ARHGAP25: variants seen among roughly 807,000 people sequenced by gnomAD.
ARHGAP25 encodes the protein rho GTPase-activating protein 25.
Under a neutral mutation model 71.0 loss-of-function variants are expected in ARHGAP25, and 34 were observed. The ratio of observed to expected loss-of-function variants is 0.48; its 90% CI spans 0.36 to 0.64. The LOEUF is 0.64. Ranked by LOEUF, ARHGAP25 falls within the 30% of genes least tolerant of loss-of-function variation. ARHGAP25 has a pLI of 0.00. For synonymous variants in ARHGAP25, 282 were observed against 296.5 expected (o/e 0.95, Z 0.50); for missense variants, 706 against 805.1 (o/e 0.88, Z 1.49).
intron 2 of ARHGAP25, among the ~76,000 whole-genome samples, chr2:68,728,773 T>TAAAA (rs1331750238): frequency 2.0e-5 from 3 of 151,898 alleles, no homozygotes; most frequent in Admixed American, 6.6e-5. Flanking sequence ...AATAAATAAA[T>TAAAA]AAAATTTAAA....
chr2:68,793,805 T>C (rs1214157143), intron 4 of ARHGAP25, among the ~76,000 whole-genome samples: 3 of 152,112 alleles, frequency 2.0e-5, no homozygotes. Flanking sequence ...TCTAGTTCTG[T>C]GAAGAAATGA....
intron 1 of ARHGAP25, among the ~76,000 whole-genome samples, chr2:68,743,183 G>A (rs1468748635): frequency 6.6e-6 from 1 of 152,182 alleles, no homozygotes; most frequent in East Asian, 1.9e-4. Context: ...CTGTGTGGAA[G>A]ACCCTCCTCC....
upstream of ARHGAP25, among the ~76,000 whole-genome samples, chr2:68,730,415 A>T (rs1674987459): frequency 6.6e-6 from 1 of 152,158 alleles, no homozygotes; most frequent in Admixed American, 6.5e-5. Context: ...AGGCCAAGGC[A>T]GAAGGATCAC....
chr2:68,777,314 G>A (rs1206211380), intron 2 of ARHGAP25, among the ~76,000 whole-genome samples: 6 of 152,086 alleles, frequency 3.9e-5, no homozygotes, highest in Admixed American at 3.9e-4. Flanking sequence ...TCTTTTCCTG[G>A]TTCCACCACT....
At chr2:68,823,602 G>T (rs1681869071) in intron 10 of ARHGAP25, among the ~76,000 whole-genome samples, 1 of 152,204 alleles carries the variant, frequency 6.6e-6, no homozygotes, top group Non-Finnish European at 1.5e-5. Context: ...GCTGCCTGGG[G>T]CCAGGGAGAG....
At chr2:68,763,648 T>C (rs1296082727) in intron 1 of ARHGAP25, among the ~76,000 whole-genome samples, 4 of 152,234 alleles carry the variant, frequency 2.6e-5, no homozygotes, top group Non-Finnish European at 5.9e-5. Context: ...TTTTTAAATA[T>C]TGAAGTATTC....
chr2:68,742,390 A>C (rs1224802867), intron 1 of ARHGAP25, among the ~76,000 whole-genome samples: 2 of 152,264 alleles, frequency 1.3e-5, no homozygotes, highest in Non-Finnish European at 2.9e-5. Flanking sequence ...GCCAGCTATC[A>C]TACAGTGGTT....
At chr2:68,810,860 G>C (rs921595002) in intron 5 of ARHGAP25, among the ~76,000 whole-genome samples, 1 of 151,424 alleles carries the variant, frequency 6.6e-6, no homozygotes, top group African/African-American at 2.4e-5. Context: ...TCCTGCCTCA[G>C]CCTCCTGAGT....
chr2:68,754,441 T>G (rs1218238102), intron 1 of ARHGAP25, among the ~76,000 whole-genome samples: 2 of 152,258 alleles, frequency 1.3e-5, no homozygotes, highest in South Asian at 4.1e-4. Context: ...TTGTCCTTTT[T>G]ATTGTTGAGT....
At chr2:68,728,264 C>T (rs1325330001) in intron 2 of ARHGAP25, among the ~76,000 whole-genome samples, 1 of 152,052 alleles carries the variant, frequency 6.6e-6, no homozygotes, top group African/African-American at 2.4e-5. Context: ...ATCAAAACCC[C>T]AATGAGATAA....
chr2:68,754,239 C>A (rs558679473), intron 1 of ARHGAP25, among the ~76,000 whole-genome samples: 105 of 152,308 alleles, frequency 6.9e-4, no homozygotes, highest in African/African-American at 2.5e-3. Flanking sequence ...CTCCTCTCAT[C>A]TATTTCTAGT....
chr2:68,802,708 AG>A (rs1412832134), intron 4 of ARHGAP25, among the ~76,000 whole-genome samples: 2 of 2,516 alleles, frequency 7.9e-4, no homozygotes, highest in Non-Finnish European at 2.1e-3. Flanking sequence ...TAGAGGAGAA[AG>A]AGAGAGAGAG....
intron 4 of ARHGAP25, among the ~76,000 whole-genome samples, chr2:68,799,219 G>C (rs1203415107): frequency 1.3e-5 from 2 of 152,150 alleles, no homozygotes; most frequent in Non-Finnish European, 2.9e-5. Flanking sequence ...GTGATTCCTG[G>C]CCTATTAATG....
chr2:68,738,113 G>A (rs1675313180), intron 1 of ARHGAP25, among the ~76,000 whole-genome samples: 1 of 152,192 alleles, frequency 6.6e-6, no homozygotes, highest in African/African-American at 2.4e-5. Flanking sequence ...CTTGACTTGA[G>A]GTGGAGCCAA....
intron 4 of ARHGAP25, among the ~76,000 whole-genome samples, chr2:68,800,767 G>A (rs537546366): frequency 9.9e-5 from 15 of 152,176 alleles, no homozygotes; most frequent in African/African-American, 3.4e-4. Flanking sequence ...GTTCTCATGA[G>A]GACTAAATGA....
At chr2:68,714,915 T>C (rs1674574206) in intron 2 of ARHGAP25, among the ~76,000 whole-genome samples, 1 of 152,190 alleles carries the variant, frequency 6.6e-6, no homozygotes, top group African/African-American at 2.4e-5. Flanking sequence ...GATGGGCATA[T>C]GACAATAATA....
In ARHGAP25 at chr2:68,816,164, A is replaced by T. The variant is rs202117771; in HGVS notation, c.808-125A>T. On this transcript the variant is annotated intron_variant, in intron 6 of 10. Transcript: ENST00000409202. ...TTTTTAAACCCACAGAACTACAGGA[A>T]CAGGAATGACTGCCAAAGTGTTGTT... 4.9e-6 allele frequency: 4 copies of T among 810,674 alleles called. No homozygotes were observed. In the East Asian group the frequency reaches 7.5e-5, roughly 15 times the overall value. 50.2% of individuals were successfully genotyped at this position (810,674 alleles called of 1,614,324 possible).
chr2:68,817,369 A>C (rs1035578992), intron 7 of ARHGAP25, among the ~76,000 whole-genome samples: 13 of 152,228 alleles, frequency 8.5e-5, no homozygotes, highest in Non-Finnish European at 1.8e-4. Flanking sequence ...ACAAAAATTC[A>C]GTATTAGTTA....
chr2:68,752,273 G>T (rs567432743), intron 1 of ARHGAP25, among the ~76,000 whole-genome samples: 1 of 151,592 alleles, frequency 6.6e-6, no homozygotes, highest in African/African-American at 2.4e-5. Context: ...ATAAGTCATG[G>T]TTCCATTTGT....
Sources: gnomAD v4.1 joint callset for allele counts (sites outside exome capture counted in the v4.1 genomes callset) on GRCh38, gnomAD v4.1.1 for gene constraint, MANE v1.5 for transcripts, NCBI Gene and HGNC (gene_info 2026-07-23, HGNC 2026-07-21) for gene names.